Variants in ZNF8 observed in about 807,000 individuals in gnomAD.
The protein encoded by ZNF8 is zinc finger protein 272.
ZNF8 carries 9 observed loss-of-function variants against 12.2 expected under a neutral mutation model. The ratio of observed to expected loss-of-function variants is 0.73; its 90% CI spans 0.44 to 1.28. The LOEUF (loss-of-function observed/expected upper bound fraction) is 1.28. Among genes scored for constraint, ZNF8 ranks in the 50% most tolerant of loss-of-function variants. The pLI, the probability that ZNF8 is intolerant of heterozygous loss-of-function variation, is 0.00. For synonymous variants in ZNF8, 274 were observed against 282.3 expected, an observed-to-expected ratio of 0.97 and a Z score of 0.30; for missense variants, 664 against 729.1, an observed-to-expected ratio of 0.91 and a Z score of 1.03.
chr19:58,279,630 C>G lies in ZNF8; in HGVS notation c.66+483C>G, dbSNP rs941869314. On this transcript the variant is annotated intron_variant, in intron 1 of 3. Coordinates refer to ENST00000621650, the MANE Select transcript of ZNF8 (RefSeq NM_021089.3). ...CGGAGCCCCTGCCCTGGGGCTTGGG[C>G]ACAACCTCTTGGGGGCAATGATGGG... is the stretch of plus-strand genomic sequence containing the variant. 3 of 1,534,110 alleles carry G rather than the reference C, an allele frequency of 2.0e-6. No homozygotes were observed. In the African/African-American group the frequency reaches 4.1e-5, roughly 21 times the overall value.
In ZNF8 at chr19:58,302,448, CAG is replaced by C. The variant is rs1171642549; in HGVS notation, c.*6915_*6916del. Reference sequence around the variant, plus strand: ...GTGTACACTAAATTTTACATACACACAGAGGAATATATATGTGTATAGTTATC... The same window carrying C: ...GTGTACACTAAATTTTACATACACACAGGAATATATATGTGTATAGTTATC... On this transcript the variant is annotated 3_prime_UTR_variant, in exon 4 of 4. Transcript: ENST00000621650. 1.3e-5 allele frequency: 2 copies of C among 152,206 alleles called. No individual in the cohort carries two copies. Among genetic ancestry groups the C allele is most frequent in the Non-Finnish European group, 2.9e-5 (2 of 68,048 alleles). The allele number at this position is 152,206 out of a possible 1,614,324, so 9.4% of individuals were successfully genotyped here.
chr19:58,297,258 A>G lies in ZNF8; in HGVS notation c.*1722A>G, dbSNP rs867123671. On this transcript the variant is annotated 3_prime_UTR_variant, in exon 4 of 4. Transcript: ENST00000621650. ...AGAAAAAAAAAAGAAAAGAAAAAAAACCTTCAAATTGATTAATCAGGGCTG... is the reference window on the plus strand; with the variant it reads ...AGAAAAAAAAAAGAAAAGAAAAAAAGCCTTCAAATTGATTAATCAGGGCTG... 6.6e-6 allele frequency: 1 copy of G among 152,022 alleles called. No homozygotes were observed. The highest frequency in any genetic ancestry group is 1.5e-5 in the Non-Finnish European group (1 of 68,020). 9.4% of individuals were successfully genotyped at this position (152,022 alleles called of 1,614,324 possible).
intron 3 of ZNF8, among the ~76,000 whole-genome samples, chr19:58,293,273 CAGGAAGCCTGG>C (rs2051431285): frequency 6.6e-6 from 1 of 152,190 alleles, no homozygotes; most frequent in Non-Finnish European, 1.5e-5. Context: ...GGTGACAGAG[CAGGAAGCCTGG>C]CACCTGGCCA....
intron 1 of ZNF8, 98 bp from the exon 2 acceptor site, chr19:58,285,619 G>T: frequency 6.4e-7 from 1 of 1,566,866 alleles, no homozygotes; most frequent in Non-Finnish European, 8.8e-7. Context: ...AGTCTCTCGT[G>T]ACACAGGCCT....
rs1191109469 is a variant in ZNF8 at position 58,279,091 on chromosome 19, G to A, written c.10G>A (p.Glu4Lys). ...CACTGGGCGATCCAGCATGGACCCC[G>A]AGGACGAAGGGGTAGCGGGAGTGAT... The part of the protein sequence containing the change: MDP[E>K]DEGVAGVMSV... The change falls in exon 1 of 4, where the codon GAG becomes AAG. Residue 4 changes from glutamate (E) to lysine (K), a missense_variant. By Grantham distance (56) the Glu-to-Lys change is moderately conservative. Around this residue, in one of 3 missense-constraint regions of ZNF8, gnomAD observed 306 missense variants for 308.7 expected, o/e 0.99. Coordinates refer to ENST00000621650, the MANE Select transcript of ZNF8 (RefSeq NM_021089.3). The A allele has an allele frequency of 2.6e-6, 4 of 1,526,754 alleles. No individual in the cohort carries two copies. Among genetic ancestry groups the A allele is most frequent in the South Asian group, 1.3e-5 (1 of 79,268 alleles). The allele number at this position is 1,526,754 out of a possible 1,614,324, so 94.6% of individuals were successfully genotyped here.
intron 3 of ZNF8, among the ~76,000 whole-genome samples, chr19:58,290,932 G>T (rs1568526044): frequency 6.6e-6 from 1 of 152,008 alleles, no homozygotes; most frequent in African/African-American, 2.4e-5. Context: ...GCATGCCTGT[G>T]GTCTCAGCTG....
chr19:58,294,022 G>T lies in ZNF8; in HGVS notation c.290-76G>T. ...GGTTAGGACCCCATTTCAATATCAG[G>T]CCTATGGTGTTGGAGGCCTGTCCCC... On this transcript the variant is annotated intron_variant, in intron 3 of 3. Coordinates refer to ENST00000621650, the MANE Select transcript of ZNF8 (RefSeq NM_021089.3). The surrounding 1 kb of genome is among the most constrained non-coding windows in gnomAD (Gnocchi z 5.5). The T allele has an allele frequency of 7.4e-7, 1 of 1,359,970 alleles. No individual in the cohort carries two copies. Among genetic ancestry groups the T allele is most frequent in the Non-Finnish European group, 1.0e-6 (1 of 987,294 alleles). The allele number at this position is 1,359,970 out of a possible 1,614,324, so 84.2% of individuals were successfully genotyped here. A position where few individuals can be genotyped will look rare whatever the true frequency, so the allele number is the denominator to read the frequency against.
rs1376436442 is a variant in ZNF8, at chr19:58,298,515, G to C, written c.*2979G>C. 1 of 151,544 alleles carries C rather than the reference G, an allele frequency of 6.6e-6. No individual in the cohort carries two copies. Among genetic ancestry groups the C allele is most frequent in the East Asian group, 1.9e-4 (1 of 5,160 alleles). The allele number at this position is 151,544 out of a possible 1,614,324, so 9.4% of individuals were successfully genotyped here. A position where few individuals can be genotyped will look rare whatever the true frequency, so the allele number is the denominator to read the frequency against. The stretch of plus-strand genomic sequence containing the variant: ...AATTTTTGTATTTTTAGTAGAGATG[G>C]GGTTTTACCATGTTGGCCAGGCTGG... On this transcript the variant is annotated 3_prime_UTR_variant, in exon 4 of 4. Transcript: ENST00000621650.
chr19:58,285,756 C>T lies in ZNF8; in HGVS notation c.106C>T (p.Gln36Ter), dbSNP rs2051379237. Residue 36 changes from glutamine to a stop codon, truncating the protein, a stop_gained, in exon 2 of 4, where the codon CAG becomes TAG. Transcript: ENST00000621650. LOFTEE classifies it high-confidence loss of function. Reference sequence around the variant, plus strand: ...CCGGGATGTGGCTGTGGACTTTACCCAGGAGGAATGGGGGCAGCTGGACCC... The same window carrying T: ...CCGGGATGTGGCTGTGGACTTTACCTAGGAGGAATGGGGGCAGCTGGACCC... ...TFRDVAVDFTQEEWGQLDPTQ... is the reference protein window; with the variant it reads ...TFRDVAVDFT 2.5e-6 allele frequency: 4 copies of T among 1,614,048 alleles called. No homozygotes were observed. Among genetic ancestry groups the T allele is most frequent in the Non-Finnish European group, 3.4e-6 (4 of 1,180,032 alleles).
chr19:58,292,473 G>A lies in ZNF8; in HGVS notation c.290-1625G>A, dbSNP rs118080008. Among the ~76,000 whole-genome samples the A allele has an allele frequency of 4.7e-3, 713 of 152,178 alleles. 9 individuals are homozygous for A. The highest frequency in any genetic ancestry group is 6.6e-3 in the Non-Finnish European group (449 of 68,014). On this transcript the variant is annotated intron_variant, in intron 3 of 3. Coordinates refer to ENST00000621650, the MANE Select transcript of ZNF8 (RefSeq NM_021089.3). The stretch of plus-strand genomic sequence containing the variant: ...TCTCATTCTTAAAGGCCCCACCCTC[G>A]TGACCTAATCACCTCCCAAAGGCCT...
Position 58,289,222 on chromosome 19 carries a change from G to A in ZNF8, c.289+3017G>A, listed in dbSNP as rs112832817. 4.6e-5 allele frequency among the ~76,000 whole-genome samples: 7 copies of A among 152,300 alleles called. No individual in the cohort carries two copies. In the East Asian group the frequency reaches 5.8e-4, roughly 13 times the overall value. Reference sequence around the variant, plus strand: ...TGAAAAAGCACCGATTTGGCTGGACGCAGTGGCTCACCCCTATCATTCCAG... The same window carrying A: ...TGAAAAAGCACCGATTTGGCTGGACACAGTGGCTCACCCCTATCATTCCAG... On this transcript the variant is annotated intron_variant, in intron 3 of 3. Transcript: ENST00000621650.
At chr19:58,279,833 A>G in intron 1 of ZNF8, 1 of 1,395,280 alleles carries the variant, frequency 7.2e-7, no homozygotes, top group Non-Finnish European at 9.5e-7. Flanking sequence ...GTGGCAGGAA[A>G]CAACAATAAT....
chr19:58,279,853 T>A, intron 1 of ZNF8: 1 of 1,309,578 alleles, frequency 7.6e-7, no homozygotes, highest in Non-Finnish European at 1.0e-6. Context: ...TTATCCTTCC[T>A]CAAGCTCTGC....
At chr19:58,287,292 G>T (rs1408995128) in intron 3 of ZNF8, among the ~76,000 whole-genome samples, 1 of 149,726 alleles carries the variant, frequency 6.7e-6, no homozygotes, top group African/African-American at 2.5e-5. Flanking sequence ...ACCTACTTTG[G>T]CCTCCCAAAG....
In ZNF8 at chr19:58,296,682, G is replaced by T. The variant is rs1297701666; in HGVS notation, c.*1146G>T. 1 of 152,158 alleles carries T rather than the reference G, an allele frequency of 6.6e-6. No individual in the cohort carries two copies. The highest frequency in any genetic ancestry group is 2.4e-5 in the African/African-American group (1 of 41,380). The allele number at this position is 152,158 out of a possible 1,614,324, so 9.4% of individuals were successfully genotyped here. A position where few individuals can be genotyped will look rare whatever the true frequency, so the allele number is the denominator to read the frequency against. Reference sequence around the variant, plus strand: ...TTACAGGCATGAGCCACTATGCCCAGCTGAGCCAGAGGTTCTTAACTGGTG... The same window carrying T: ...TTACAGGCATGAGCCACTATGCCCATCTGAGCCAGAGGTTCTTAACTGGTG... On this transcript the variant is annotated 3_prime_UTR_variant, in exon 4 of 4. Coordinates refer to ENST00000621650, the MANE Select transcript of ZNF8 (RefSeq NM_021089.3).
chr19:58,295,802 C>A lies in ZNF8; in HGVS notation c.*266C>A, dbSNP rs1225279495. 2.6e-6 allele frequency: 1 copy of A among 380,340 alleles called. No homozygotes were observed. The highest frequency in any genetic ancestry group is 4.7e-6 in the Non-Finnish European group (1 of 212,830). The allele number at this position is 380,340 out of a possible 1,614,324, so 23.6% of individuals were successfully genotyped here. A position where few individuals can be genotyped will look rare whatever the true frequency, so the allele number is the denominator to read the frequency against. On this transcript the variant is annotated 3_prime_UTR_variant, in exon 4 of 4. Coordinates refer to ENST00000621650, the MANE Select transcript of ZNF8 (RefSeq NM_021089.3). ...TATAACCTACCCACCTGTGTAATGTCAAAAAAAATCAATATGCGGCCCCAT... is the reference window on the plus strand; with the variant it reads ...TATAACCTACCCACCTGTGTAATGTAAAAAAAAATCAATATGCGGCCCCAT...
intron 3 of ZNF8, among the ~76,000 whole-genome samples, chr19:58,288,397 G>A (rs539369943): frequency 1.2e-4 from 18 of 152,306 alleles, no homozygotes; most frequent in Admixed American, 7.2e-4. Context: ...TGCAGCTGCA[G>A]CAGCTCCAGC....
intron 2 of ZNF8, 115 bp downstream of exon 2, chr19:58,285,958 AGG>A (rs1489673754): frequency 2.2e-5 from 32 of 1,465,014 alleles, no homozygotes; most frequent in Non-Finnish European, 2.8e-5. Context: ...GTGCATGAAG[AGG>A]GAGGTCTGCC....
intron 3 of ZNF8, among the ~76,000 whole-genome samples, chr19:58,287,639 T>A (rs1003404241): frequency 3.3e-5 from 1 of 30,060 alleles, no homozygotes; most frequent in African/African-American, 9.1e-5. Context: ...GCACCTGGCC[T>A]TTTTTTTTTT....
Sources: allele counts gnomAD v4.1 joint callset (sites outside exome capture counted in the v4.1 genomes callset), GRCh38; gene constraint gnomAD v4.1.1; regional missense constraint gnomAD v4.1.1; non-coding constraint Gnocchi (gnomAD v3.1); transcripts MANE v1.5; gene names NCBI Gene and HGNC (gene_info 2026-07-23, HGNC 2026-07-21).